Variants in CNTN5 observed in about 807,000 individuals in gnomAD.
The protein encoded by CNTN5 is contactin 5.
CNTN5 carries 77 observed loss-of-function variants against 129.1 expected under a neutral mutation model. That is an observed-to-expected ratio of 0.60 (90% CI 0.50 to 0.72). CNTN5 has a LOEUF of 0.72. Ranked by LOEUF, CNTN5 falls within the 30% of genes least tolerant of loss-of-function variation. The pLI, the probability that CNTN5 is intolerant of heterozygous loss-of-function variation, is 0.00. For missense variants in CNTN5, 1,478 were observed against 1,328.8 expected (o/e 1.11, Z -1.75); for synonymous variants, 509 against 465.6 (o/e 1.09, Z -1.20).
intron 21 of CNTN5, chr11:100,309,752 G>A: frequency 3.1e-6 from 3 of 971,804 alleles, no homozygotes; most frequent in South Asian, 4.8e-5. Context: ...AGAAGACACT[G>A]TGGTGGTTTG....
chr11:99,629,506 C>G (rs1951257696), intron 3 of CNTN5, among the ~76,000 whole-genome samples: 1 of 151,792 alleles, frequency 6.6e-6, no homozygotes, highest in South Asian at 2.1e-4. Context: ...ATCCTTGTTC[C>G]TAGTCTATAC....
At chr11:99,834,081 G>T (rs1947228876) in intron 4 of CNTN5, among the ~76,000 whole-genome samples, 1 of 152,096 alleles carries the variant, frequency 6.6e-6, no homozygotes, top group South Asian at 2.1e-4. Flanking sequence ...TACCTATGTG[G>T]TATTTTTAAA....
At chr11:99,273,809 G>A (rs1479181003) in intron 1 of CNTN5, among the ~76,000 whole-genome samples, 2 of 146,800 alleles carry the variant, frequency 1.4e-5, no homozygotes, top group Admixed American at 6.8e-5. Context: ...TTTTTTTTTT[G>A]AATAGTCAAA....
At position 99,632,078 on chromosome 11, in the gene CNTN5, C is replaced by G. The variant is rs529879379; in HGVS notation, c.55+75809C>G. 3.9e-5 allele frequency among the ~76,000 whole-genome samples: 6 copies of G among 152,100 alleles called. No individual in the cohort carries two copies. The South Asian group carries it at 1.2e-3, about 32-fold the overall frequency. ...TTGGTGCATCCATGGTTTCAGGTATCCCCTGGGGGACTTGGAAGGTATACC... is the reference window on the plus strand; with the variant it reads ...TTGGTGCATCCATGGTTTCAGGTATGCCCTGGGGGACTTGGAAGGTATACC... On this transcript the variant is annotated intron_variant, in intron 3 of 24. Coordinates refer to ENST00000524871, the MANE Select transcript of CNTN5 (RefSeq NM_014361.4).
chr11:99,075,010 A>G (rs1397634335), intron 1 of CNTN5, among the ~76,000 whole-genome samples: 1 of 152,222 alleles, frequency 6.6e-6, no homozygotes, highest in Non-Finnish European at 1.5e-5. Flanking sequence ...ACAAAAAATC[A>G]GATACTCTGT....
intron 1 of CNTN5, among the ~76,000 whole-genome samples, chr11:99,082,622 T>C (rs1376577173): frequency 2.0e-5 from 3 of 152,210 alleles, no homozygotes; most frequent in African/African-American, 7.2e-5. Flanking sequence ...ATTTCCCAAT[T>C]CTTTGGCCTG....
At chr11:100,351,025 C>G (rs1273460612) in intron 24 of CNTN5, among the ~76,000 whole-genome samples, 155 bp downstream of exon 24, 1 of 151,626 alleles carries the variant, frequency 6.6e-6, no homozygotes, top group Non-Finnish European at 1.5e-5. Context: ...TAATATGAAC[C>G]ATAGTAATCT....
intron 3 of CNTN5, among the ~76,000 whole-genome samples, chr11:99,716,647 TC>T (rs967959532): frequency 2.0e-5 from 3 of 152,032 alleles, no homozygotes; most frequent in African/African-American, 7.2e-5. Context: ...TTGTAATAAA[TC>T]TCTTACCCTC....
intron 1 of CNTN5, among the ~76,000 whole-genome samples, chr11:99,139,113 C>CCAA (rs1565348598): frequency 1.5e-3 from 210 of 139,596 alleles, no homozygotes; most frequent in Non-Finnish European, 1.8e-3. Flanking sequence ...CCCCCCCCCC[C>CCAA]AAAAATTAGC....
intron 9 of CNTN5, among the ~76,000 whole-genome samples, chr11:100,017,989 G>C (rs549516877): frequency 6.6e-6 from 1 of 151,948 alleles, no homozygotes; most frequent in South Asian, 2.1e-4. Flanking sequence ...CTTTTGTTTG[G>C]GGGGGTAAAA....
At chr11:100,174,698 G>A (rs191826566) in intron 13 of CNTN5, among the ~76,000 whole-genome samples, 7 of 152,144 alleles carry the variant, frequency 4.6e-5, no homozygotes, top group African/African-American at 1.7e-4. Context: ...CTGATATCCA[G>A]CTGACAAAAA....
chr11:99,421,116 G>C (rs1325554170), intron 2 of CNTN5, among the ~76,000 whole-genome samples: 2 of 151,234 alleles, frequency 1.3e-5, no homozygotes, highest in Non-Finnish European at 2.9e-5. Flanking sequence ...GGAGATCCAA[G>C]CTCTGTATTA....
At chr11:99,703,069 T>A (rs912257379) in intron 3 of CNTN5, among the ~76,000 whole-genome samples, 1 of 150,894 alleles carries the variant, frequency 6.6e-6, no homozygotes, top group Admixed American at 6.6e-5. Context: ...ATATAATAAA[T>A]GAAAATGTCA....
chr11:99,834,348 T>C (rs1366931389), intron 4 of CNTN5, among the ~76,000 whole-genome samples: 1 of 152,124 alleles, frequency 6.6e-6, no homozygotes, highest in Non-Finnish European at 1.5e-5. Context: ...AACTTACATA[T>C]TGAAAATTTA....
intron 9 of CNTN5, among the ~76,000 whole-genome samples, chr11:100,024,240 C>A (rs1012609433): frequency 1.3e-5 from 2 of 152,176 alleles, no homozygotes; most frequent in African/African-American, 2.4e-5. Context: ...TTGCTAGGCA[C>A]TTCTCTTTCC....
At chr11:99,368,358 G>A (rs1406644884) in intron 2 of CNTN5, among the ~76,000 whole-genome samples, 2 of 151,744 alleles carry the variant, frequency 1.3e-5, no homozygotes, top group Admixed American at 1.3e-4. Flanking sequence ...AGATTATTTG[G>A]AGTCCCGGTG....
chr11:100,335,096 G>C (rs1184628417), intron 21 of CNTN5, among the ~76,000 whole-genome samples: 1 of 151,944 alleles, frequency 6.6e-6, no homozygotes, highest in Non-Finnish European at 1.5e-5. Flanking sequence ...CGCATGTGTA[G>C]TGGGCAGGGA....
intron 2 of CNTN5, among the ~76,000 whole-genome samples, chr11:99,355,611 T>G (rs1382319238): frequency 6.6e-5 from 10 of 152,104 alleles, no homozygotes; most frequent in African/African-American, 9.7e-5. Context: ...AAGTAGAGTG[T>G]TTTTGTGCTC....
chr11:100,355,506 G>A (rs1367794605), intron 24 of CNTN5, among the ~76,000 whole-genome samples: 1 of 151,778 alleles, frequency 6.6e-6, no homozygotes, highest in African/African-American at 2.4e-5. Flanking sequence ...CCAAATAACA[G>A]TCATTTGTTA....
Sources: gnomAD v4.1 joint callset for allele counts (sites outside exome capture counted in the v4.1 genomes callset) on GRCh38, gnomAD v4.1.1 for gene constraint, MANE v1.5 for transcripts, NCBI Gene and HGNC (gene_info 2026-07-23, HGNC 2026-07-21) for gene names.